Variants in GRK5 observed in about 807,000 individuals in gnomAD.
GRK5 encodes the protein g protein-coupled receptor kinase GRK5.
A neutral mutation model predicts 78.4 loss-of-function variants in GRK5; 40 were observed. That is an observed-to-expected ratio of 0.51 (90% confidence interval 0.40 to 0.66). The LOEUF (loss-of-function observed/expected upper bound fraction) is 0.66. Among genes scored for constraint, GRK5 ranks in the 30% least tolerant of loss-of-function variants. The probability of loss-of-function intolerance (pLI) is 0.00; values close to 1 mark genes in which losing one functional copy is unlikely to be tolerated. For synonymous variants in GRK5, 289 were observed against 296.8 expected (o/e 0.97, Z 0.27); for missense variants, 598 against 759.9 (o/e 0.79, Z 2.50).
intron 1 of GRK5, among the ~76,000 whole-genome samples, chr10:119,221,997 A>G (rs1039555935): frequency 3.9e-5 from 6 of 152,200 alleles, no homozygotes; most frequent in African/African-American, 1.4e-4. Context: ...TAAATCAGGC[A>G]GGGGGTACAC....
chr10:119,291,105 G>A (rs1849946860), intron 1 of GRK5, among the ~76,000 whole-genome samples: 1 of 152,166 alleles, frequency 6.6e-6, no homozygotes, highest in African/African-American at 2.4e-5. Flanking sequence ...GTGAATTTGG[G>A]ATGGGGGATG....
At chr10:119,437,254 A>G (rs1481287878) in intron 9 of GRK5, among the ~76,000 whole-genome samples, 1 of 152,138 alleles carries the variant, frequency 6.6e-6, no homozygotes, top group Non-Finnish European at 1.5e-5. Flanking sequence ...ACTGCCCACA[A>G]GCAGAATCGG....
intron 5 of GRK5, among the ~76,000 whole-genome samples, chr10:119,423,487 G>C (rs1852612246): frequency 6.6e-6 from 1 of 152,190 alleles, no homozygotes; most frequent in Admixed American, 6.5e-5. Context: ...AAAGCAAGTG[G>C]CTCTCCAGGC....
At chr10:119,222,620 C>T (rs1327200539) in intron 1 of GRK5, among the ~76,000 whole-genome samples, 5 of 152,154 alleles carry the variant, frequency 3.3e-5, no homozygotes, top group East Asian at 1.9e-4. Context: ...TGCCTCCCTC[C>T]GAGATAAGCT....
At chr10:119,414,993 A>G (rs1478588455) in intron 4 of GRK5, among the ~76,000 whole-genome samples, 1 of 150,232 alleles carries the variant, frequency 6.7e-6, no homozygotes, top group African/African-American at 2.4e-5. Flanking sequence ...GAGGCATGAG[A>G]ATAACTTGAA....
Position 119,399,000 on chromosome 10 carries a change from G to A in GRK5, c.339+2228G>A, listed in dbSNP as rs549892295. Among the ~76,000 whole-genome samples the A allele has an allele frequency of 1.7e-3, 255 of 152,332 alleles. 1 individual carries two copies. The highest frequency in any genetic ancestry group is 3.1e-3 in the Non-Finnish European group (209 of 68,014). ...CTGAGGGCTGCCACCGGGTTGCCCCGTGGCCAACCTTGTCCAGAAGCCCCT... is the reference window on the plus strand; with the variant it reads ...CTGAGGGCTGCCACCGGGTTGCCCCATGGCCAACCTTGTCCAGAAGCCCCT... On this transcript the variant is annotated intron_variant, in intron 4 of 15. Coordinates refer to ENST00000392870, the MANE Select transcript of GRK5 (RefSeq NM_005308.3).
chr10:119,279,622 A>G (rs1849727170), intron 1 of GRK5, among the ~76,000 whole-genome samples: 1 of 152,216 alleles, frequency 6.6e-6, no homozygotes, highest in Non-Finnish European at 1.5e-5. Context: ...CGTGGTTCTC[A>G]AGGAGTGAGT....
chr10:119,228,386 C>G, intron 1 of GRK5, among the ~76,000 whole-genome samples: 1 of 148,424 alleles, frequency 6.7e-6, no homozygotes, highest in Non-Finnish European at 1.5e-5. Flanking sequence ...CGCCCCCCCG[C>G]AAAAACGTTA....
At chr10:119,276,877 T>C (rs1849679131) in intron 1 of GRK5, among the ~76,000 whole-genome samples, 1 of 152,224 alleles carries the variant, frequency 6.6e-6, no homozygotes, top group Admixed American at 6.5e-5. Context: ...CCTCTAGGGC[T>C]CTTGTGTGAA....
rs189945085 is a variant in GRK5 at position 119,339,866 on chromosome 10, A to G, written c.148+13255A>G. Among the ~76,000 whole-genome samples the G allele has an allele frequency of 2.8e-3, 419 of 152,276 alleles. 4 individuals are homozygous for G. Among genetic ancestry groups the G allele is most frequent in the Middle Eastern group, 0.01 (3 of 294 alleles). On this transcript the variant is annotated intron_variant, in intron 2 of 15. Coordinates refer to ENST00000392870, the MANE Select transcript of GRK5 (RefSeq NM_005308.3). ...GCTGTGATCACACCATTGCACTCCA[A>G]CCTGGGCGATGGGAGTGAAACTCTG...
At chr10:119,441,419 G>A (rs1342956844) in intron 10 of GRK5, among the ~76,000 whole-genome samples, 1 of 152,214 alleles carries the variant, frequency 6.6e-6, no homozygotes, top group African/African-American at 2.4e-5. Flanking sequence ...AGACCAAAGT[G>A]GAGCCTCAGC....
At chr10:119,307,722 T>C (rs1850295297) in intron 1 of GRK5, among the ~76,000 whole-genome samples, 2 of 152,290 alleles carry the variant, frequency 1.3e-5, no homozygotes, top group South Asian at 2.1e-4. Flanking sequence ...AACTTGTTAC[T>C]GAAGCAAGAG....
chr10:119,230,753 T>G (rs1414389), intron 1 of GRK5, among the ~76,000 whole-genome samples: 120,263 of 149,980 alleles, frequency 0.8, 48,367 homozygotes, highest in East Asian at 0.91. Context: ...AGCGGATCAC[T>G]TGAGCCCAGG....
chr10:119,411,534 G>A (rs1852336486), intron 4 of GRK5, among the ~76,000 whole-genome samples: 1 of 152,176 alleles, frequency 6.6e-6, no homozygotes, highest in African/African-American at 2.4e-5. Flanking sequence ...TTCTTTGAGG[G>A]GGGACTGAAG....
At chr10:119,347,651 G>C (rs1205134863) in intron 2 of GRK5, among the ~76,000 whole-genome samples, 2 of 152,266 alleles carry the variant, frequency 1.3e-5, no homozygotes, top group African/African-American at 4.8e-5. Flanking sequence ...GCTGGAACCA[G>C]ATGGCCTGAA....
chr10:119,242,355 A>G (rs1849040371), intron 1 of GRK5, among the ~76,000 whole-genome samples: 1 of 151,696 alleles, frequency 6.6e-6, no homozygotes, highest in African/African-American at 2.4e-5. Context: ...GGAATGATGT[A>G]GGTTTTTCAT....
At chr10:119,436,930 C>T (rs1852932916) in intron 9 of GRK5, 89 bp downstream of exon 9, 4 of 1,229,820 alleles carry the variant, frequency 3.3e-6, no homozygotes, top group South Asian at 1.5e-5. Flanking sequence ...GTTGCCATCG[C>T]TCTGGGAATC....
intron 2 of GRK5, among the ~76,000 whole-genome samples, chr10:119,375,071 G>A (rs114955230): frequency 2.5e-3 from 386 of 152,212 alleles, no homozygotes; most frequent in African/African-American, 7.2e-3. Flanking sequence ...GCTGGTTCTC[G>A]CCCCTTCACG....
intron 2 of GRK5, among the ~76,000 whole-genome samples, chr10:119,351,757 C>T (rs1302112601): frequency 6.6e-6 from 1 of 152,134 alleles, no homozygotes; most frequent in African/African-American, 2.4e-5. Context: ...GGGGCTTTAC[C>T]TCTGTTCTCA....
Sources: gnomAD v4.1 joint callset for allele counts (sites outside exome capture counted in the v4.1 genomes callset) on GRCh38, gnomAD v4.1.1 for gene constraint, MANE v1.5 for transcripts, NCBI Gene and HGNC (gene_info 2026-07-23, HGNC 2026-07-21) for gene names.